COL4A3: variants seen among roughly 807,000 people sequenced by gnomAD.
COL4A3 encodes collagen type IV alpha 3 chain.
Under a neutral mutation model 217.4 loss-of-function variants are expected in COL4A3, and 135 were observed. The observed-to-expected ratio is 0.62, with a 90% CI of 0.54 to 0.72. The LOEUF (loss-of-function observed/expected upper bound fraction) is 0.72. COL4A3 is among the 30% of genes least tolerant of loss of function. COL4A3 has a pLI of 0.00. For synonymous variants in COL4A3, 690 were observed against 736.3 expected (o/e 0.94, Z 1.02); for missense variants, 1,868 against 2,119.9 (o/e 0.88, Z 2.33).
At chr2:227,296,201 T>C (rs1264419654) in intron 41 of COL4A3, 1 of 152,238 alleles carries the variant, frequency 6.6e-6, no homozygotes, top group Non-Finnish European at 1.5e-5. Flanking sequence ...GTTTGATTGT[T>C]CTTTCGGTTG....
chr2:227,221,975 A>T (rs1373469014), intron 1 of COL4A3, among the ~76,000 whole-genome samples: 1 of 145,056 alleles, frequency 6.9e-6, no homozygotes, highest in Non-Finnish European at 1.5e-5. Flanking sequence ...TTAACTCAGC[A>T]TCCTTGTGTT....
chr2:227,311,026 C>T (rs989700570), intron 51 of COL4A3, 78 bp downstream of exon 51: 51 of 1,507,144 alleles, frequency 3.4e-5, no homozygotes, highest in East Asian at 1.1e-4. Context: ...CTTGGGTCAA[C>T]GAGTAGCCAT....
chr2:227,278,823 GAACT>G (rs2071754807), intron 28 of COL4A3, among the ~76,000 whole-genome samples: 1 of 152,202 alleles, frequency 6.6e-6, no homozygotes, highest in African/African-American at 2.4e-5. Context: ...TGAATCCCAT[GAACT>G]AACTGCAAAT....
intron 3 of COL4A3, 140 bp from the exon 4 acceptor site, chr2:227,244,180 C>G: frequency 1.4e-6 from 1 of 719,844 alleles, no homozygotes; most frequent in Non-Finnish European, 2.5e-6. Flanking sequence ...AATAAGCAAG[C>G]AATTGAATCT....
intron 1 of COL4A3, among the ~76,000 whole-genome samples, chr2:227,177,794 A>G (rs1382649050): frequency 2.0e-5 from 3 of 152,116 alleles, no homozygotes; most frequent in South Asian, 2.1e-4. Flanking sequence ...CACACTGTCT[A>G]TGCTCCCTGC....
rs774121334 is a variant in COL4A3, at chr2:227,202,735, T to TTAAAA, written c.88-35233_88-35232insTAAAA. Among the ~76,000 whole-genome samples the TTAAAA allele has an allele frequency of 3.5e-3, 155 of 44,390 alleles. 6 individuals carry two copies. Among genetic ancestry groups the TTAAAA allele is most frequent in the Non-Finnish European group, 4.7e-3 (120 of 25,356 alleles). The allele number at this position is 44,390 out of a possible 152,430, so 29.1% of individuals were successfully genotyped here. A position where few individuals can be genotyped will look rare whatever the true frequency, so the allele number is the denominator to read the frequency against. ...GGGAGAAAGTGCGAGAATCCGTCTC[T>TTAAAA]AAAAAAAAAAAATATATATATATAT... On this transcript the variant is annotated intron_variant, in intron 1 of 51. Transcript: ENST00000396578.
intron 1 of COL4A3, among the ~76,000 whole-genome samples, chr2:227,209,613 G>T (rs2067238176): frequency 1.3e-5 from 2 of 152,144 alleles, no homozygotes; most frequent in African/African-American, 4.8e-5. Context: ...GCTGAGGTGG[G>T]TAGATCACCT....
chr2:227,309,309 A>G lies in COL4A3; in HGVS notation c.4746A>G (p.Ser1582=). Residue 1582 remains serine (S), a synonymous_variant, in exon 50 of 52, where the codon TCA becomes TCG. Coordinates refer to ENST00000396578, the MANE Select transcript of COL4A3 (RefSeq NM_000091.5). Reference sequence around the variant, plus strand: ...GGATTTCTCTCTGGAAAGGATTTTCATTCATCATGGTGAGGAGAAAAGGAA... The same window carrying G: ...GGATTTCTCTCTGGAAAGGATTTTCGTTCATCATGGTGAGGAGAAAAGGAA... ...HGWISLWKGF[S]FIMFTSAGSE... is the part of the protein sequence containing the mutation. 6.2e-7 allele frequency: 1 copy of G among 1,613,186 alleles called. No individual in the cohort carries two copies.
intron 42 of COL4A3, among the ~76,000 whole-genome samples, chr2:227,298,090 G>A (rs747675614): frequency 1.1e-4 from 17 of 152,262 alleles, no homozygotes; most frequent in South Asian, 2.1e-4. Context: ...GCTCACACCC[G>A]TAATCCCAGC....
chr2:227,262,731 T>C (rs2070665333), intron 20 of COL4A3, among the ~76,000 whole-genome samples: 1 of 152,228 alleles, frequency 6.6e-6, no homozygotes, highest in Non-Finnish European at 1.5e-5. Context: ...GATTTTTGTA[T>C]GTTGATTTCA....
chr2:227,249,200 C>G lies in COL4A3; in HGVS notation c.546+680C>G, dbSNP rs550876917. ...CTTTCAGGTTATAATTATATATAAC[C>G]AAAATTAGCTAGTATATATATATAT... On this transcript the variant is annotated intron_variant, in intron 9 of 51. Transcript: ENST00000396578. Among the ~76,000 whole-genome samples the G allele has an allele frequency of 1.6e-3, 141 of 86,916 alleles. 3 individuals are homozygous for G. Among genetic ancestry groups the G allele is most frequent in the Admixed American group, 8.0e-3 (56 of 7,022 alleles). 57.0% of individuals were successfully genotyped at this position (86,916 alleles called of 152,430 possible). A position where few individuals can be genotyped will look rare whatever the true frequency, so the allele number is the denominator to read the frequency against.
At chr2:227,177,371 G>A (rs2065716744) in intron 1 of COL4A3, among the ~76,000 whole-genome samples, 2 of 151,720 alleles carry the variant, frequency 1.3e-5, no homozygotes, top group Admixed American at 1.3e-4. Context: ...TAGCCAGGAT[G>A]GTCTCAATCT....
chr2:227,282,312 A>G lies in COL4A3; in HGVS notation c.2489-53A>G. ...TATATATATATATATTTCTGAAGTTAGTAGGGGAAAGCATTTGTGGGTTAA... is the reference window on the plus strand; with the variant it reads ...TATATATATATATATTTCTGAAGTTGGTAGGGGAAAGCATTTGTGGGTTAA... On this transcript the variant is annotated intron_variant, in intron 31 of 51. Coordinates refer to ENST00000396578, the MANE Select transcript of COL4A3 (RefSeq NM_000091.5). This position sits in a 1 kb window ranked among gnomAD's most constrained non-coding sequence, Gnocchi z 4.4. 3.5e-6 allele frequency: 4 copies of G among 1,133,884 alleles called. No homozygotes were observed. The highest frequency in any genetic ancestry group is 5.3e-6 in the Non-Finnish European group (4 of 761,656). The allele number at this position is 1,133,884 out of a possible 1,614,324, so 70.2% of individuals were successfully genotyped here.
rs568736716 is a variant in COL4A3 at position 227,225,973 on chromosome 2, A to G, written c.88-11995A>G. Among the ~76,000 whole-genome samples the G allele has an allele frequency of 2.0e-5, 3 of 152,246 alleles. No individual in the cohort carries two copies. In the South Asian group the frequency reaches 6.2e-4, roughly 32 times the overall value. On this transcript the variant is annotated intron_variant, in intron 1 of 51. Coordinates refer to ENST00000396578, the MANE Select transcript of COL4A3 (RefSeq NM_000091.5). ...GTAATCCACCCGCCTCGGCTTCCCA[A>G]AGTGCTGGGATTACAGTCGTGAGCC...
chr2:227,207,745 C>T lies in COL4A3; in HGVS notation c.88-30223C>T, dbSNP rs1438096647. On this transcript the variant is annotated intron_variant, in intron 1 of 51. Transcript: ENST00000396578. Reference sequence around the variant, plus strand: ...GCTCTCCAGGTGAGACAGAGTTTCACAGCAGGCATACTTTGGATTGTAAAT... The same window carrying T: ...GCTCTCCAGGTGAGACAGAGTTTCATAGCAGGCATACTTTGGATTGTAAAT... Among the ~76,000 whole-genome samples the T allele has an allele frequency of 5.3e-5, 8 of 152,224 alleles. No homozygotes were observed. In the East Asian group the frequency reaches 1.5e-3, roughly 29 times the overall value.
In COL4A3 at chr2:227,181,489, C is replaced by T. The variant is rs112816760; in HGVS notation, c.87+16676C>T. ...TTATACACAGATCTTTTTTCCCTAA[C>T]TATACATGTAATGCATGTCATTTGT... On this transcript the variant is annotated intron_variant, in intron 1 of 51. Transcript: ENST00000396578. 1.5e-3 allele frequency among the ~76,000 whole-genome samples: 224 copies of T among 152,208 alleles called. 1 individual carries two copies. The highest frequency in any genetic ancestry group is 5.1e-3 in the African/African-American group (213 of 41,518).
chr2:227,169,792 C>T (rs1047173288), intron 1 of COL4A3, among the ~76,000 whole-genome samples: 8 of 152,044 alleles, frequency 5.3e-5, no homozygotes, highest in Non-Finnish European at 1.0e-4. Flanking sequence ...TAATGTTTTG[C>T]AGTGTTATAG....
chr2:227,290,169 G>T, intron 36 of COL4A3, 81 bp downstream of exon 36: 2 of 1,366,484 alleles, frequency 1.5e-6, no homozygotes, highest in South Asian at 2.4e-5. Context: ...GTACTGTTTT[G>T]GTTTTCCACT....
At chr2:227,195,665 A>G (rs1331372052) in intron 1 of COL4A3, among the ~76,000 whole-genome samples, 3,411 of 128,970 alleles carry the variant, frequency 0.026, 84 homozygotes, top group East Asian at 0.094. Flanking sequence ...ATATATATAT[A>G]TATGTGTGTG....
Sources: gnomAD v4.1 joint callset for allele counts (sites outside exome capture counted in the v4.1 genomes callset) on GRCh38, gnomAD v4.1.1 for gene constraint, Gnocchi (gnomAD v3.1) non-coding constraint, MANE v1.5 for transcripts, NCBI Gene and HGNC (gene_info 2026-07-23, HGNC 2026-07-21) for gene names.